Variants in SLC20A1 observed in about 807,000 individuals in gnomAD.
The protein encoded by SLC20A1 is solute carrier family 20 member 1.
SLC20A1 carries 28 observed loss-of-function variants against 62.7 expected under a neutral mutation model. That is an observed-to-expected ratio of 0.45 (90% CI 0.33 to 0.61). SLC20A1 has a LOEUF of 0.61. Ranked by LOEUF, SLC20A1 falls within the 20% of genes least tolerant of loss-of-function variation. The pLI, the probability that SLC20A1 is intolerant of heterozygous loss-of-function variation, is 0.02. For missense variants in SLC20A1, 673 were observed against 838.6 expected (o/e 0.80, Z 2.44); for synonymous variants, 305 against 302.9 (o/e 1.01, Z -0.07).
At chr2:112,651,042 C>T (rs1401575415) in intron 4 of SLC20A1, among the ~76,000 whole-genome samples, 1 of 152,174 alleles carries the variant, frequency 6.6e-6, no homozygotes, top group Non-Finnish European at 1.5e-5. Context: ...GGATGCTTAA[C>T]AGTTCTTGAT....
At chr2:112,653,304 T>G (rs1339190473) in intron 5 of SLC20A1, 1 of 165,768 alleles carries the variant, frequency 6.0e-6, no homozygotes, top group East Asian at 1.6e-4. Context: ...AAGAAGAAAT[T>G]CATGCAGCTA....
At chr2:112,649,343 CTG>C (rs1472518990) in intron 4 of SLC20A1, among the ~76,000 whole-genome samples, 1 of 152,216 alleles carries the variant, frequency 6.6e-6, no homozygotes, top group African/African-American at 2.4e-5. Flanking sequence ...TTCCCCCACT[CTG>C]TGCACGTGCA....
intron 8 of SLC20A1, 46 bp from the exon 9 acceptor site, chr2:112,660,341 C>T (rs367803255): frequency 1.9e-6 from 3 of 1,556,824 alleles, no homozygotes; most frequent in Admixed American, 1.7e-5. Context: ...TTGCCAAGAT[C>T]TAGTTCTGCC....
intron 5 of SLC20A1, 126 bp from the exon 6 acceptor site, chr2:112,656,996 C>A: frequency 2.7e-6 from 3 of 1,097,354 alleles, no homozygotes; most frequent in Non-Finnish European, 4.2e-6. Context: ...GCACTTAAAT[C>A]TGGCAGCAGC....
rs913756629 is a variant in SLC20A1 at position 112,646,676 on chromosome 2, A to G, written c.-153A>G. Reference sequence around the variant, plus strand: ...TGCCCATACGCAGCGTATAGCAGTAACTCCCCAGCTCGGTTTCTGTGCCGT... The same window carrying G: ...TGCCCATACGCAGCGTATAGCAGTAGCTCCCCAGCTCGGTTTCTGTGCCGT... On this transcript the variant is annotated 5_prime_UTR_variant, in exon 2 of 11. Transcript: ENST00000272542. 3.3e-6 allele frequency: 1 copy of G among 303,942 alleles called. No individual in the cohort carries two copies. Among genetic ancestry groups the G allele is most frequent in the East Asian group, 6.2e-5 (1 of 16,148 alleles). The allele number at this position is 303,942 out of a possible 1,614,324, so 18.8% of individuals were successfully genotyped here.
chr2:112,653,079 C>G (rs764778818), intron 5 of SLC20A1: 47 of 603,970 alleles, frequency 7.8e-5, no homozygotes, highest in Non-Finnish European at 1.2e-4. Context: ...TTTCTCCTGT[C>G]TATGCTAAAA....
In SLC20A1 at chr2:112,663,101, AG is replaced by A; in HGVS notation, c.*77del. The A allele has an allele frequency of 6.6e-7, 1 of 1,508,080 alleles. No individual in the cohort carries two copies. Among genetic ancestry groups the A allele is most frequent in the East Asian group, 2.3e-5 (1 of 44,336 alleles). The allele number at this position is 1,508,080 out of a possible 1,614,324, so 93.4% of individuals were successfully genotyped here. On this transcript the variant is annotated 3_prime_UTR_variant, in exon 11 of 11. Coordinates refer to ENST00000272542, the MANE Select transcript of SLC20A1 (RefSeq NM_005415.5). The stretch of plus-strand genomic sequence containing the variant: ...TCCTGCTCCCCTGAAGAATGATTAC[AG>A]TGTTAACAGAAGACTGACAAGAGTC...
At chr2:112,647,545 T>TA in intron 3 of SLC20A1, 81 bp downstream of exon 3, 1 of 1,584,326 alleles carries the variant, frequency 6.3e-7, no homozygotes, top group African/African-American at 1.3e-5. Context: ...GGATGTGTTC[T>TA]AACGTCGAGG....
chr2:112,652,260 G>C (rs1053652), intron 4 of SLC20A1: 50,652 of 161,040 alleles, frequency 0.31, 8,937 homozygotes, highest in East Asian at 0.79. Flanking sequence ...AAGATGGTTG[G>C]CGTACGCATA....
chr2:112,656,936 C>A (rs1052978537), intron 5 of SLC20A1, 186 bp from the exon 6 acceptor site: 6 of 687,240 alleles, frequency 8.7e-6, no homozygotes, highest in African/African-American at 7.1e-5. Flanking sequence ...TTCAGATGAT[C>A]ATTGAGTTTT....
chr2:112,663,645 C>T lies in SLC20A1; in HGVS notation c.*620C>T, dbSNP rs1303266350. On this transcript the variant is annotated 3_prime_UTR_variant, in exon 11 of 11. Transcript: ENST00000272542. Reference sequence around the variant, plus strand: ...GCAAGCAGTTTATTGACTGTTATTGCTAAGAAGAAGTAAGAAAGAAAAAGC... The same window carrying T: ...GCAAGCAGTTTATTGACTGTTATTGTTAAGAAGAAGTAAGAAAGAAAAAGC... 1 of 154,248 alleles carries T rather than the reference C, an allele frequency of 6.5e-6. No homozygotes were observed. The highest frequency in any genetic ancestry group is 1.4e-5 in the Non-Finnish European group (1 of 69,320). The allele number at this position is 154,248 out of a possible 1,614,324, so 9.6% of individuals were successfully genotyped here. A position where few individuals can be genotyped will look rare whatever the true frequency, so the allele number is the denominator to read the frequency against.
In SLC20A1 at chr2:112,657,151, G is replaced by C. The variant is rs1686613242; in HGVS notation, c.688G>C (p.Gly230Arg). ...LLGFDKLPLW[G>R]TILISVGCAV... ...GGGCTTTGACAAACTTCCTCTGTGGGGTACCATCCTCATCTCGGTGGGATG... is the reference window on the plus strand; with the variant it reads ...GGGCTTTGACAAACTTCCTCTGTGGCGTACCATCCTCATCTCGGTGGGATG... Residue 230 changes from glycine (G) to arginine (R), a missense_variant, in exon 6 of 11, where the codon GGT becomes CGT. Coordinates refer to ENST00000272542, the MANE Select transcript of SLC20A1 (RefSeq NM_005415.5). 1 of 1,613,658 alleles carries C rather than the reference G, an allele frequency of 6.2e-7. No homozygotes were observed. Among genetic ancestry groups the C allele is most frequent in the African/African-American group, 1.3e-5 (1 of 74,750 alleles).
intron 9 of SLC20A1, 65 bp downstream of exon 9, chr2:112,660,637 G>A (rs1433908367): frequency 8.1e-6 from 11 of 1,359,744 alleles, no homozygotes; most frequent in African/African-American, 4.4e-5. Context: ...TAACACTGTC[G>A]AGTGCTAACA....
intron 4 of SLC20A1, among the ~76,000 whole-genome samples, chr2:112,651,768 T>C (rs1450150603): frequency 1.3e-5 from 2 of 152,234 alleles, no homozygotes; most frequent in Non-Finnish European, 2.9e-5. Flanking sequence ...ATACTAGGTA[T>C]GGTAGAATTC....
At position 112,659,776 on chromosome 2, in the gene SLC20A1, G is replaced by A. The variant is rs1686699118; in HGVS notation, c.1607+14G>A. On this transcript the variant is annotated intron_variant, in intron 8 of 10. Coordinates refer to ENST00000272542, the MANE Select transcript of SLC20A1 (RefSeq NM_005415.5). Reference sequence around the variant, plus strand: ...CAATGACGTAAGGTCAGTTGACATTGATCTTAGTGTTGCTAACCCTATTTT... The same window carrying A: ...CAATGACGTAAGGTCAGTTGACATTAATCTTAGTGTTGCTAACCCTATTTT... 1 of 1,599,858 alleles carries A rather than the reference G, an allele frequency of 6.3e-7. No homozygotes were observed. Among genetic ancestry groups the A allele is most frequent in the East Asian group, 2.2e-5 (1 of 44,690 alleles).
At chr2:112,662,339 T>C (rs1003695969) in intron 10 of SLC20A1, among the ~76,000 whole-genome samples, 1 of 152,214 alleles carries the variant, frequency 6.6e-6, no homozygotes, top group African/African-American at 2.4e-5. Flanking sequence ...CCCAGCACTT[T>C]GGGAGGCCAA....
intron 4 of SLC20A1, among the ~76,000 whole-genome samples, chr2:112,651,082 A>G (rs531786546): frequency 3.3e-5 from 5 of 152,272 alleles, no homozygotes; most frequent in African/African-American, 9.6e-5. Flanking sequence ...TGTTTTGGCT[A>G]TTTCACTATC....
chr2:112,659,526 G>A lies in SLC20A1; in HGVS notation c.1371G>A (p.Lys457=), dbSNP rs1266566370. ...CATGGCCTAATGCAGACTCCAAGAA[G>A]CGAATTCGAATGGACAGTTACACCA... The part of the protein sequence containing the change: ...KLTWPNADSK[K]RIRMDSYTSY... Residue 457 remains lysine, a synonymous_variant, in exon 8 of 11, where the codon AAG becomes AAA. Transcript: ENST00000272542. 1.2e-6 allele frequency: 2 copies of A among 1,614,240 alleles called. No homozygotes were observed. Among genetic ancestry groups the A allele is most frequent in the Non-Finnish European group, 1.7e-6 (2 of 1,180,052 alleles).
In SLC20A1 at chr2:112,646,963, A is replaced by G. The variant is rs1372381318; in HGVS notation, c.135A>G (p.Ala45=). The G allele has an allele frequency of 6.2e-7, 1 of 1,614,046 alleles. No homozygotes were observed. Among genetic ancestry groups the G allele is most frequent in the African/African-American group, 1.3e-5 (1 of 74,908 alleles). The change falls in exon 2 of 11, where the codon GCA becomes GCG. Residue 45 remains alanine (A), a synonymous_variant. Transcript: ENST00000272542. ...TCTCCGTGGGAGCCAATGATGTAGC[A>G]AATTCTTTTGGTACAGCTGTGGGCT... ...LAFSVGANDV[A]NSFGTAVGSG...
Sources: gnomAD v4.1 joint callset for allele counts (sites outside exome capture counted in the v4.1 genomes callset) on GRCh38, gnomAD v4.1.1 for gene constraint, MANE v1.5 for transcripts, NCBI Gene and HGNC (gene_info 2026-07-23, HGNC 2026-07-21) for gene names.